Variants in TIMM17A observed in about 807,000 individuals in gnomAD.
TIMM17A encodes mitochondrial import inner membrane translocase subunit Tim17-A.
A neutral mutation model predicts 26.5 loss-of-function variants in TIMM17A; 15 were observed. The observed-to-expected ratio is 0.57, with a 90% CI of 0.38 to 0.87. The LOEUF (loss-of-function observed/expected upper bound fraction) is 0.87, where lower values mean the gene tolerates loss of function less well. Among genes scored for constraint, TIMM17A ranks in the 40% least tolerant of loss-of-function variants. The pLI is 0.00. For missense variants in TIMM17A, 201 were observed against 210.0 expected (o/e 0.96, Z 0.27); for synonymous variants, 80 against 70.8 (o/e 1.13, Z -0.66).
At chr1:201,958,466 G>A (rs879571774) in intron 3 of TIMM17A, among the ~76,000 whole-genome samples, 19 of 152,288 alleles carry the variant, frequency 1.2e-4, no homozygotes, top group Non-Finnish European at 2.4e-4. Context: ...AGTTTGGGAG[G>A]CTGAGTTAGG....
chr1:201,964,652 T>TC (rs1682594096), intron 4 of TIMM17A, among the ~76,000 whole-genome samples: 1 of 127,674 alleles, frequency 7.8e-6, no homozygotes, highest in African/African-American at 3.1e-5. Flanking sequence ...TTTTTTTTTT[T>TC]TTTTTTTTTT....
intron 5 of TIMM17A, among the ~76,000 whole-genome samples, chr1:201,966,182 T>A (rs915539752): frequency 2.0e-5 from 3 of 152,180 alleles, no homozygotes; most frequent in African/African-American, 7.2e-5. Flanking sequence ...GTGGGCTGAA[T>A]GATCATTACA....
chr1:201,960,314 C>G (rs941034228), intron 3 of TIMM17A, among the ~76,000 whole-genome samples: 1 of 151,750 alleles, frequency 6.6e-6, no homozygotes, highest in Non-Finnish European at 1.5e-5. Flanking sequence ...GGAGAAGAAT[C>G]GCTTGAGCCC....
intron 3 of TIMM17A, among the ~76,000 whole-genome samples, chr1:201,961,907 C>T (rs1682540230): frequency 2.6e-5 from 4 of 151,990 alleles, no homozygotes; most frequent in Admixed American, 2.0e-4. Flanking sequence ...TACTCTGACA[C>T]TCCATGCCAG....
chr1:201,964,635 CTTTTTTTTTT>C (rs570309464), intron 4 of TIMM17A, among the ~76,000 whole-genome samples: 18 of 90,962 alleles, frequency 2.0e-4, no homozygotes, highest in African/African-American at 6.7e-4. Context: ...TATTTTATTT[CTTTTTTTTTT>C]TTTTTTTTTT....
At chr1:201,963,992 G>T (rs992769195) in intron 4 of TIMM17A, among the ~76,000 whole-genome samples, 1 of 152,054 alleles carries the variant, frequency 6.6e-6, no homozygotes, top group African/African-American at 2.4e-5. Flanking sequence ...GTTGGTGCAT[G>T]CCTATAGTCC....
chr1:201,961,218 G>A (rs1414374983), intron 3 of TIMM17A, among the ~76,000 whole-genome samples: 2 of 151,916 alleles, frequency 1.3e-5, no homozygotes, highest in African/African-American at 2.4e-5. Context: ...GGCGCATGCC[G>A]CCACTTCTGG....
Position 201,963,712 on chromosome 1 carries a change from G to A in TIMM17A, c.287G>A (p.Gly96Asp). The change falls in exon 4 of 6, where the codon GGT becomes GAT. Residue 96 changes from glycine (G) to aspartate (D), a missense_variant. Transcript: ENST00000367287. ...GATCCCTGGAACTCCATCACAAGTG[G>A]TGCCTTAACGGGAGCCATACTGGCA... is the stretch of plus-strand genomic sequence containing the variant. ...KEDPWNSITSGALTGAILAAR... is the reference protein window; with the variant it reads ...KEDPWNSITSDALTGAILAAR... 1 of 1,610,930 alleles carries A rather than the reference G, an allele frequency of 6.2e-7. No homozygotes were observed. The highest frequency in any genetic ancestry group is 8.5e-7 in the Non-Finnish European group (1 of 1,179,264).
In TIMM17A at chr1:201,969,403, G is replaced by A. The variant is rs1271201056; in HGVS notation, c.431-66G>A. On this transcript the variant is annotated intron_variant, in intron 5 of 5. Transcript: ENST00000367287. ...TGTTGATTGATTTACTCTCTATAGA[G>A]ATTTGTTCTTTTTAATAATATAATA... 2.0e-5 allele frequency: 26 copies of A among 1,272,346 alleles called. No individual in the cohort carries two copies. The South Asian group carries it at 3.3e-4, about 16-fold the overall frequency. The allele number at this position is 1,272,346 out of a possible 1,614,324, so 78.8% of individuals were successfully genotyped here. A position where few individuals can be genotyped will look rare whatever the true frequency, so the allele number is the denominator to read the frequency against.
chr1:201,955,885 C>A (rs1416651728), intron 1 of TIMM17A, among the ~76,000 whole-genome samples: 3 of 152,218 alleles, frequency 2.0e-5, no homozygotes, highest in African/African-American at 4.8e-5. Flanking sequence ...TATAATCCCC[C>A]CTGTTCGTCG....
intron 5 of TIMM17A, among the ~76,000 whole-genome samples, chr1:201,967,450 A>G (rs1186045427): frequency 6.6e-6 from 1 of 152,162 alleles, no homozygotes; most frequent in African/African-American, 2.4e-5. Flanking sequence ...TTAAATAGTT[A>G]CATTGTCTCA....
chr1:201,965,801 C>G (rs886493813), intron 5 of TIMM17A, among the ~76,000 whole-genome samples: 1 of 152,158 alleles, frequency 6.6e-6, no homozygotes, highest in Non-Finnish European at 1.5e-5. Flanking sequence ...AATGTCTGAT[C>G]ATTTTAAAGG....
At position 201,965,528 on chromosome 1, in the gene TIMM17A, GCA is replaced by G; in HGVS notation, c.418_419del (p.Gln140ValfsTer37). 2 of 1,611,698 alleles carry G rather than the reference GCA, an allele frequency of 1.2e-6. No homozygotes were observed. The highest frequency in any genetic ancestry group is 1.7e-6 in the Non-Finnish European group (2 of 1,177,794). On this transcript the variant is annotated frameshift_variant, in exon 5 of 6. Transcript: ENST00000367287. LOFTEE classifies it high-confidence loss of function. Reference protein sequence around the residue: ...AGILLTRFASAQFPNGPQFAE... With the variant: ...AGILLTRFASXQFPNGPQFAE... Reference sequence around the variant, plus strand: ...TATCTTGTTGACAAGATTTGCCTCTGCACAGTTTCCCAATGGTGAGTCTTTTT... The same window carrying G: ...TATCTTGTTGACAAGATTTGCCTCTGCAGTTTCCCAATGGTGAGTCTTTTT...
rs1466002572 is a variant in TIMM17A, at chr1:201,957,337, G to A, written c.83G>A (p.Gly28Asp). The change falls in exon 2 of 6, where the codon GGT becomes GAT. Residue 28 changes from glycine (G) to aspartate (D), a missense_variant. Coordinates refer to ENST00000367287, the MANE Select transcript of TIMM17A (RefSeq NM_006335.3). ...GCCTTTACGATGGGTACCATTGGTG[G>A]TGGTATCTTTCAAGCAATCAAAGGT... is the stretch of plus-strand genomic sequence containing the variant. ...GGAFTMGTIGGGIFQAIKGFR... is the reference protein window; with the variant it reads ...GGAFTMGTIGDGIFQAIKGFR... The A allele has an allele frequency of 1.9e-6, 3 of 1,613,962 alleles. No homozygotes were observed. The African/African-American group carries it at 4.0e-5, about 22-fold the overall frequency.
chr1:201,957,618 C>A (rs1012860393), intron 3 of TIMM17A, 44 bp downstream of exon 3: 3 of 1,487,148 alleles, frequency 2.0e-6, no homozygotes, highest in Non-Finnish European at 2.8e-6. Context: ...TTTTCTGTTC[C>A]TTTGAAGATG....
chr1:201,965,742 AT>A (rs1682614437), intron 5 of TIMM17A, among the ~76,000 whole-genome samples, 199 bp downstream of exon 5: 1 of 152,236 alleles, frequency 6.6e-6, no homozygotes, highest in African/African-American at 2.4e-5. Flanking sequence ...TTTGCTGTTG[AT>A]CTTTCTTTAT....
At chr1:201,968,579 A>G (rs370576805) in intron 5 of TIMM17A, among the ~76,000 whole-genome samples, 1 of 150,590 alleles carries the variant, frequency 6.6e-6, no homozygotes, top group East Asian at 2.0e-4. Context: ...TTCAGTAGAG[A>G]CGGGGTTTCG....
chr1:201,969,671 A>G lies in TIMM17A; in HGVS notation c.*117A>G. 2 of 764,678 alleles carry G rather than the reference A, an allele frequency of 2.6e-6. No homozygotes were observed. Among genetic ancestry groups the G allele is most frequent in the African/African-American group, 3.5e-5 (2 of 56,800 alleles). 47.4% of individuals were successfully genotyped at this position (764,678 alleles called of 1,614,324 possible). The stretch of plus-strand genomic sequence containing the variant: ...GTGGGACAGCTATGGCCAATAGGCT[A>G]TAAAGAGACATTTAGCACTTTTTTC... On this transcript the variant is annotated 3_prime_UTR_variant, in exon 6 of 6. Coordinates refer to ENST00000367287, the MANE Select transcript of TIMM17A (RefSeq NM_006335.3).
At chr1:201,959,098 G>GT (rs1460943824) in intron 3 of TIMM17A, among the ~76,000 whole-genome samples, 2 of 152,196 alleles carry the variant, frequency 1.3e-5, no homozygotes, top group Non-Finnish European at 2.9e-5. Context: ...GTTTTTGCTT[G>GT]TTTTTTGAGA....
Sources: gnomAD v4.1 joint callset for allele counts (sites outside exome capture counted in the v4.1 genomes callset) on GRCh38, gnomAD v4.1.1 for gene constraint, MANE v1.5 for transcripts, NCBI Gene and HGNC (gene_info 2026-07-23, HGNC 2026-07-21) for gene names.